The following ASTN2 variants were observed in gnomAD, a reference collection of about 807,000 sequenced individuals.
ASTN2 encodes astrotactin-2.
A neutral mutation model predicts 139.8 loss-of-function variants in ASTN2; 54 were observed. The ratio of observed to expected loss-of-function variants is 0.39; its 90% CI spans 0.31 to 0.48. The LOEUF (loss-of-function observed/expected upper bound fraction) is 0.48. ASTN2 is among the 20% of genes least tolerant of loss of function. The pLI, the probability that ASTN2 is intolerant of heterozygous loss-of-function variation, is 0.95. For missense variants in ASTN2, 1,565 were observed against 1,725.1 expected, an observed-to-expected ratio of 0.91 and a Z score of 1.64; for synonymous variants, 756 against 719.5, an observed-to-expected ratio of 1.05 and a Z score of -0.81.
chr9:116,971,776 C>T (rs1836212572), intron 10 of ASTN2, among the ~76,000 whole-genome samples: 1 of 152,190 alleles, frequency 6.6e-6, no homozygotes, highest in African/African-American at 2.4e-5. Flanking sequence ...CTAAAGAGTT[C>T]ACCAGGTAGC....
At chr9:117,113,651 C>T (rs779640237) in intron 4 of ASTN2, among the ~76,000 whole-genome samples, 12 of 146,450 alleles carry the variant, frequency 8.2e-5, no homozygotes, top group Non-Finnish European at 1.0e-4. Flanking sequence ...AGCAAAACTT[C>T]GTCTCAAAAA....
chr9:116,526,526 G>C, intron 19 of ASTN2, among the ~76,000 whole-genome samples: 1 of 151,894 alleles, frequency 6.6e-6, no homozygotes, highest in Non-Finnish European at 1.5e-5. Context: ...AGAGACTCAG[G>C]TGGGAAAACT....
intron 2 of ASTN2, among the ~76,000 whole-genome samples, chr9:117,285,954 C>T (rs958736734): frequency 1.3e-5 from 2 of 152,062 alleles, no homozygotes; most frequent in African/African-American, 4.8e-5. Flanking sequence ...ATTTTGTCAC[C>T]ACAAAGACAA....
At chr9:117,261,961 C>G (rs1364580653) in intron 2 of ASTN2, among the ~76,000 whole-genome samples, 3 of 152,146 alleles carry the variant, frequency 2.0e-5, no homozygotes, top group Non-Finnish European at 4.4e-5. Flanking sequence ...TAAAACTATA[C>G]TTATTGGGCA....
chr9:116,881,272 T>C, intron 10 of ASTN2, among the ~76,000 whole-genome samples: 1 of 152,206 alleles, frequency 6.6e-6, no homozygotes, highest in East Asian at 1.9e-4. Context: ...ACAAGGTGGA[T>C]CTCATTACCT....
At chr9:117,037,302 A>C (rs186102077) in intron 6 of ASTN2, among the ~76,000 whole-genome samples, 22 of 150,852 alleles carry the variant, frequency 1.5e-4, no homozygotes, top group Non-Finnish European at 4.4e-5. Context: ...CAAATCATCA[A>C]GACGGTTTGC....
intron 4 of ASTN2, among the ~76,000 whole-genome samples, chr9:117,129,779 G>A (rs1312121977): frequency 6.6e-6 from 1 of 151,876 alleles, no homozygotes; most frequent in Non-Finnish European, 1.5e-5. Context: ...CCCAGTAAAT[G>A]GTTTCTTTTT....
chr9:116,866,572 G>T (rs186339971), intron 10 of ASTN2, among the ~76,000 whole-genome samples: 3 of 152,222 alleles, frequency 2.0e-5, no homozygotes, highest in Non-Finnish European at 1.5e-5. Flanking sequence ...TAATACCCTA[G>T]AAGGGAGAAG....
chr9:116,718,661 C>A (rs946492244), intron 16 of ASTN2, among the ~76,000 whole-genome samples: 2 of 151,974 alleles, frequency 1.3e-5, no homozygotes, highest in African/African-American at 4.8e-5. Flanking sequence ...CCAATAGAAC[C>A]AAAAGGTTGA....
intron 19 of ASTN2, among the ~76,000 whole-genome samples, chr9:116,539,417 T>G (rs184860000): frequency 3.9e-5 from 6 of 152,044 alleles, no homozygotes; most frequent in South Asian, 2.1e-4. Flanking sequence ...TTACTAACTG[T>G]CTGGCTGGCA....
At chr9:116,461,110 G>A (rs554021996) in intron 20 of ASTN2, among the ~76,000 whole-genome samples, 259 of 151,956 alleles carry the variant, frequency 1.7e-3, no homozygotes, top group Non-Finnish European at 2.8e-3. Flanking sequence ...CCTTTTCCAT[G>A]AAGTTCCCTT....
chr9:117,222,284 G>A (rs912098482), intron 2 of ASTN2, among the ~76,000 whole-genome samples: 1 of 152,132 alleles, frequency 6.6e-6, no homozygotes, highest in African/African-American at 2.4e-5. Flanking sequence ...CTTTTGAAAT[G>A]CCCTTCTTCA....
chr9:116,771,291 G>T (rs1055397688), intron 13 of ASTN2, among the ~76,000 whole-genome samples: 24 of 137,762 alleles, frequency 1.7e-4, no homozygotes, highest in Non-Finnish European at 2.7e-4. Flanking sequence ...GGCACTTAAT[G>T]ATTGTGTCAC....
chr9:117,382,177 AG>A (rs568509734), intron 1 of ASTN2, among the ~76,000 whole-genome samples: 46 of 152,266 alleles, frequency 3.0e-4, no homozygotes, highest in South Asian at 1.2e-3. Context: ...GAAAGTGTAG[AG>A]GGTGCCCAGT....
chr9:117,378,790 A>G (rs915796000), intron 1 of ASTN2, among the ~76,000 whole-genome samples: 3 of 152,130 alleles, frequency 2.0e-5, no homozygotes, highest in African/African-American at 7.2e-5. Flanking sequence ...TATGTTTTAG[A>G]TCTGTGTCCC....
chr9:117,014,165 T>C (rs773506477), intron 6 of ASTN2, among the ~76,000 whole-genome samples: 6 of 152,078 alleles, frequency 3.9e-5, no homozygotes, highest in Non-Finnish European at 8.8e-5. Flanking sequence ...AACTGTGTGA[T>C]GAAGCAGGAA....
At chr9:116,702,276 C>CTGTT (rs1380492465) in intron 16 of ASTN2, among the ~76,000 whole-genome samples, 1 of 151,984 alleles carries the variant, frequency 6.6e-6, no homozygotes, top group Non-Finnish European at 1.5e-5. Context: ...TAAATGATGG[C>CTGTT]TGTTACTCTT....
intron 13 of ASTN2, among the ~76,000 whole-genome samples, chr9:116,798,608 C>CATGTCTT (rs1227864196): frequency 6.6e-6 from 1 of 152,206 alleles, no homozygotes; most frequent in Non-Finnish European, 1.5e-5. Context: ...GATAAGACAG[C>CATGTCTT]ATGTCTTATC....
chr9:117,083,329 C>T (rs148184331), intron 5 of ASTN2, among the ~76,000 whole-genome samples: 9 of 152,168 alleles, frequency 5.9e-5, no homozygotes, highest in South Asian at 4.1e-4. Context: ...ATTTTAATAA[C>T]GCATGACACT....
Sources: gnomAD v4.1 joint callset for allele counts (sites outside exome capture counted in the v4.1 genomes callset) on GRCh38, gnomAD v4.1.1 for gene constraint, MANE v1.5 for transcripts, NCBI Gene and HGNC (gene_info 2026-07-23, HGNC 2026-07-21) for gene names.